Variants in MEGF11 observed in about 807,000 individuals in gnomAD.
The protein encoded by MEGF11 is multiple EGF like domains 11.
In MEGF11, 126 loss-of-function variants were observed where a neutral mutation model predicts 146.6. That is an observed-to-expected ratio of 0.86 (90% CI 0.74 to 1.00). The LOEUF is 1.00. Ranked by LOEUF, MEGF11 falls within the 50% of genes least tolerant of loss-of-function variation. The probability of loss-of-function intolerance (pLI) is 0.00; values close to 1 mark genes in which losing one functional copy is unlikely to be tolerated. For missense variants in MEGF11, 1,509 were observed against 1,521.2 expected (o/e 0.99, Z 0.13); for synonymous variants, 532 against 583.4 (o/e 0.91, Z 1.27).
intron 4 of MEGF11, among the ~76,000 whole-genome samples, chr15:66,118,037 T>C (rs2087819604): frequency 6.6e-6 from 1 of 152,112 alleles, no homozygotes; most frequent in East Asian, 1.9e-4. Flanking sequence ...TGGTGCGAAC[T>C]CTCTCTACCC....
At chr15:66,068,426 T>A (rs2085229237) in intron 5 of MEGF11, among the ~76,000 whole-genome samples, 1 of 152,176 alleles carries the variant, frequency 6.6e-6, no homozygotes, top group African/African-American at 2.4e-5. Context: ...TCTCCACAAC[T>A]GTGACAACCA....
intron 10 of MEGF11, among the ~76,000 whole-genome samples, chr15:65,955,829 T>TATAAATATATATATATATAA (rs1238611580): frequency 8.7e-5 from 9 of 103,150 alleles, no homozygotes; most frequent in Non-Finnish European, 1.7e-4. Context: ...TTTAAATATA[T>TATAAATATATATATATATAA]AACATGTAAT....
rs772052525 is a variant in MEGF11 at position 65,913,824 on chromosome 15, G to A, written c.2623C>T (p.Arg875Trp). 42 of 1,613,808 alleles carry A rather than the reference G, an allele frequency of 2.6e-5. No individual in the cohort carries two copies. In the Admixed American group the frequency reaches 3.7e-4, roughly 14 times the overall value. Residue 875 changes from arginine (R) to tryptophan (W), a missense_variant, in exon 20 of 26, where the codon CGG (arginine) becomes TGG (tryptophan). Arg to Trp is a moderately radical substitution (Grantham distance 101, BLOSUM62 -3). Transcript: ENST00000395614. ...AGGTCTCGGCCCTTCTCTTTCTGCC[G>A]CCGCCGATGCCAGGCAAATAGGCCC... The part of the protein sequence containing the change: ...LLGLFAWHRR[R>W]QKEKGRDLAP...
At chr15:65,938,542 A>G (rs1182872522) in intron 10 of MEGF11, among the ~76,000 whole-genome samples, 2 of 152,120 alleles carry the variant, frequency 1.3e-5, no homozygotes, top group Non-Finnish European at 2.9e-5. Flanking sequence ...ATCTTCATCT[A>G]TCCCCATCTC....
intron 5 of MEGF11, among the ~76,000 whole-genome samples, chr15:66,016,662 TTAAG>T (rs771515125): frequency 1.1e-4 from 17 of 152,190 alleles, no homozygotes; most frequent in Non-Finnish European, 2.4e-4. Context: ...AACGACAAGT[TTAAG>T]TGAGTTATTA....
chr15:66,106,292 G>A (rs754619865), intron 4 of MEGF11, among the ~76,000 whole-genome samples: 2 of 152,172 alleles, frequency 1.3e-5, no homozygotes, highest in Non-Finnish European at 2.9e-5. Context: ...AGGTTACTGG[G>A]GGCTTTTTCA....
chr15:66,060,310 G>A (rs1421045187), intron 5 of MEGF11, among the ~76,000 whole-genome samples: 1 of 152,136 alleles, frequency 6.6e-6, no homozygotes, highest in Non-Finnish European at 1.5e-5. Context: ...CAAAGCCTCA[G>A]GTCAGAAAAT....
intron 10 of MEGF11, among the ~76,000 whole-genome samples, chr15:65,957,192 A>G (rs1263897424): frequency 1.3e-5 from 2 of 152,246 alleles, no homozygotes; most frequent in Admixed American, 1.3e-4. Flanking sequence ...CTAAGCAGCA[A>G]CATAGCAATG....
rs1342975084 is a variant in MEGF11 at position 65,916,196 on chromosome 15, C to T, written c.2296G>A (p.Gly766Ser). 2 of 1,582,148 alleles carry T rather than the reference C, an allele frequency of 1.3e-6. No individual in the cohort carries two copies. Among genetic ancestry groups the T allele is most frequent in the Non-Finnish European group, 8.6e-7 (1 of 1,164,080 alleles). Residue 766 changes from glycine to serine, a missense_variant, in exon 18 of 26, where the codon GGC becomes AGC. Coordinates refer to ENST00000395614, the MANE Select transcript of MEGF11 (RefSeq NM_001385028.1). ...AAGCCTGTGCGGCAGGTGCACTTGC[C>T]ACTGATGTGGTCACAGCTGGCGCCA... ...QNGASCDHIS[G>S]KCTCRTGFTG...
intron 5 of MEGF11, among the ~76,000 whole-genome samples, chr15:66,030,041 C>T (rs974798672): frequency 7.2e-5 from 11 of 152,244 alleles, no homozygotes; most frequent in Non-Finnish European, 1.2e-4. Context: ...CAGCGCTAAG[C>T]GGGATCATAA....
chr15:66,241,976 C>T (rs1038592445), intron 1 of MEGF11, among the ~76,000 whole-genome samples: 2 of 152,188 alleles, frequency 1.3e-5, no homozygotes, highest in African/African-American at 4.8e-5. Context: ...CAAATACAAA[C>T]ATAGCCATAC....
chr15:66,238,870 C>T (rs530524010), intron 1 of MEGF11, among the ~76,000 whole-genome samples: 17 of 132,834 alleles, frequency 1.3e-4, no homozygotes, highest in Admixed American at 9.5e-4. Context: ...TTCAAATAAA[C>T]CATCTACTAA....
intron 1 of MEGF11, among the ~76,000 whole-genome samples, chr15:66,218,979 CAAA>C (rs71139474): frequency 4.6e-5 from 4 of 86,952 alleles, no homozygotes; most frequent in Non-Finnish European, 6.3e-5. Flanking sequence ...TATCCACAGG[CAAA>C]AAAAAAAAAA....
chr15:66,034,445 G>A (rs987459177), intron 5 of MEGF11, among the ~76,000 whole-genome samples: 1 of 151,424 alleles, frequency 6.6e-6, no homozygotes, highest in East Asian at 1.9e-4. Context: ...TTTGAGACAG[G>A]ATCTCACTCT....
chr15:65,952,026 T>C (rs2080421808), intron 10 of MEGF11, among the ~76,000 whole-genome samples: 1 of 152,130 alleles, frequency 6.6e-6, no homozygotes. Context: ...TTTAAAGATA[T>C]TTTGAGAGGC....
intron 4 of MEGF11, among the ~76,000 whole-genome samples, chr15:66,105,912 C>T (rs1419899860): frequency 6.6e-6 from 1 of 152,202 alleles, no homozygotes; most frequent in Non-Finnish European, 1.5e-5. Flanking sequence ...TCAGTTGCCG[C>T]CACTCTGGCT....
At chr15:66,007,068 G>A (rs1312692366) in intron 5 of MEGF11, among the ~76,000 whole-genome samples, 1 of 152,230 alleles carries the variant, frequency 6.6e-6, no homozygotes, top group Non-Finnish European at 1.5e-5. Context: ...GGATTCAGCG[G>A]CTGCACGCTG....
At chr15:65,912,235 C>T in intron 20 of MEGF11, 35 bp from the exon 21 acceptor site, 1 of 1,182,354 alleles carries the variant, frequency 8.5e-7, no homozygotes, top group Non-Finnish European at 1.1e-6. Flanking sequence ...TACCATCATA[C>T]CCCTGCCCCT....
At chr15:66,051,227 G>A (rs2084433224) in intron 5 of MEGF11, among the ~76,000 whole-genome samples, 1 of 152,142 alleles carries the variant, frequency 6.6e-6, no homozygotes, top group African/African-American at 2.4e-5. Context: ...GGCCTCAGCT[G>A]GGGGAGCAGA....
Sources: allele counts gnomAD v4.1 joint callset (sites outside exome capture counted in the v4.1 genomes callset), GRCh38; gene constraint gnomAD v4.1.1; transcripts MANE v1.5; gene names NCBI Gene and HGNC (gene_info 2026-07-23, HGNC 2026-07-21).